PHLPP2: variants seen among roughly 807,000 people sequenced by gnomAD.
PHLPP2 encodes the protein PH domain leucine-rich repeat-containing protein phosphatase 2.
Under a neutral mutation model 124.9 loss-of-function variants are expected in PHLPP2, and 66 were observed. The ratio of observed to expected loss-of-function variants is 0.53; its 90% CI spans 0.43 to 0.65. The LOEUF (loss-of-function observed/expected upper bound fraction) is 0.65. PHLPP2 is among the 30% of genes least tolerant of loss of function. PHLPP2 has a pLI of 0.00. For missense variants in PHLPP2, 1,685 were observed against 1,600.4 expected (o/e 1.05, Z -0.90); for synonymous variants, 681 against 624.7 (o/e 1.09, Z -1.34).
intron 1 of PHLPP2, among the ~76,000 whole-genome samples, chr16:71,716,845 G>T (rs888155912): frequency 1.3e-5 from 2 of 152,266 alleles, no homozygotes; most frequent in Middle Eastern, 3.4e-3. Context: ...ATTTTTACTA[G>T]ACAGAATTAA....
chr16:71,720,756 C>A (rs894568393), intron 1 of PHLPP2, among the ~76,000 whole-genome samples: 3 of 151,274 alleles, frequency 2.0e-5, no homozygotes, highest in Non-Finnish European at 4.4e-5. Flanking sequence ...CCCAGCTACA[C>A]GAGAGGCTGA....
intron 16 of PHLPP2, among the ~76,000 whole-genome samples, chr16:71,655,849 G>A (rs763636826): frequency 2.6e-5 from 4 of 152,140 alleles, no homozygotes; most frequent in Non-Finnish European, 5.9e-5. Flanking sequence ...CTAGCAAATC[G>A]TAATCTACAC....
chr16:71,668,277 G>A (rs1016497056), intron 11 of PHLPP2, among the ~76,000 whole-genome samples: 5 of 151,804 alleles, frequency 3.3e-5, no homozygotes, highest in Non-Finnish European at 4.4e-5. Flanking sequence ...TTAGCCGGGC[G>A]TGGCAGCATG....
Position 71,663,948 on chromosome 16 carries a change from G to A in PHLPP2, c.1936C>T (p.Leu646=), listed in dbSNP as rs1224883369. ...TTGTTTGCAAGGTGCAAGATTCGCA[G>A]GTGCAGGTGCCCTACCAGGACAGGT... ...CIPVLVGHLH[L]RILHLANNQL... Residue 646 remains leucine, a synonymous_variant, in exon 13 of 19, where the codon CTG becomes TTG. Coordinates refer to ENST00000568954, the MANE Select transcript of PHLPP2 (RefSeq NM_015020.3). 2 of 1,614,030 alleles carry A rather than the reference G, an allele frequency of 1.2e-6. No homozygotes were observed. The highest frequency in any genetic ancestry group is 1.7e-6 in the Non-Finnish European group (2 of 1,179,982).
At chr16:71,663,508 G>C (rs1004872052) in intron 13 of PHLPP2, among the ~76,000 whole-genome samples, 1 of 152,160 alleles carries the variant, frequency 6.6e-6, no homozygotes, top group African/African-American at 2.4e-5. Context: ...GACTGTAACT[G>C]TTCACAATAC....
At chr16:71,676,145 T>C (rs1055086134) in intron 9 of PHLPP2, among the ~76,000 whole-genome samples, 1 of 152,152 alleles carries the variant, frequency 6.6e-6, no homozygotes, top group Non-Finnish European at 1.5e-5. Flanking sequence ...TTTGCCAACC[T>C]GTTTTAGACT....
chr16:71,658,411 G>A, intron 14 of PHLPP2, 48 bp from the exon 15 acceptor site: 2 of 1,547,588 alleles, frequency 1.3e-6, no homozygotes, highest in Non-Finnish European at 1.8e-6. Context: ...CAGAGACTTA[G>A]TTCTTTACTC....
chr16:71,698,822 C>A, intron 3 of PHLPP2: 1 of 229,074 alleles, frequency 4.4e-6, no homozygotes, highest in Non-Finnish European at 8.8e-6. Flanking sequence ...CCATTCCACT[C>A]ACTTTTCCCC....
At chr16:71,711,797 G>C (rs1158894084) in intron 2 of PHLPP2, among the ~76,000 whole-genome samples, 1 of 152,138 alleles carries the variant, frequency 6.6e-6, no homozygotes, top group Non-Finnish European at 1.5e-5. Flanking sequence ...TCTGACAAAG[G>C]GCTTTTACGC....
At chr16:71,664,140 T>C (rs375905232) in intron 12 of PHLPP2, 41 bp from the exon 13 acceptor site, 2 of 1,341,220 alleles carry the variant, frequency 1.5e-6, no homozygotes, top group African/African-American at 2.9e-5. Context: ...TTTAAGTTTA[T>C]TTGCTGCCTT....
intron 3 of PHLPP2, among the ~76,000 whole-genome samples, chr16:71,701,292 CTATCT>C: frequency 1.1e-5 from 1 of 91,650 alleles, no homozygotes; most frequent in Non-Finnish European, 2.1e-5. Context: ...ATCTATCTAT[CTATCT>C]ATCTATCTAT....
At position 71,678,959 on chromosome 16, in the gene PHLPP2, T is replaced by C. The variant is rs1567619280; in HGVS notation, c.1064A>G (p.Asn355Ser). 6.2e-7 allele frequency: 1 copy of C among 1,610,290 alleles called. No individual in the cohort carries two copies. The highest frequency in any genetic ancestry group is 2.2e-5 in the East Asian group (1 of 44,858). The change falls in exon 8 of 19, where the codon AAC becomes AGC. Residue 355 changes from asparagine (N) to serine (S), a missense_variant. Physicochemically the swap from Asn to Ser is conservative, Grantham distance 46 (BLOSUM62 1). Transcript: ENST00000568954. ...LNLQTLCLDG[N>S]FLTTLPEELG... ...TTCTTCAGGTAAAGTAGTCAGAAAG[T>C]TGCCATCAAGACAGAGGGTTTGAAG...
chr16:71,654,777 G>A (rs1011965795), intron 17 of PHLPP2, among the ~76,000 whole-genome samples: 2 of 152,194 alleles, frequency 1.3e-5, no homozygotes, highest in Non-Finnish European at 1.5e-5. Context: ...AGGAGCATCT[G>A]TATATGGTTT....
At chr16:71,704,713 T>C (rs963966601) in intron 2 of PHLPP2, among the ~76,000 whole-genome samples, 2 of 152,202 alleles carry the variant, frequency 1.3e-5, no homozygotes, top group African/African-American at 4.8e-5. Context: ...TTTCAGATTA[T>C]GTAGACATCA....
chr16:71,672,212 TA>T (rs1273385330), intron 10 of PHLPP2, 49 bp downstream of exon 10: 1 of 1,361,270 alleles, frequency 7.3e-7, no homozygotes, highest in Non-Finnish European at 1.0e-6. Context: ...AATCCACATG[TA>T]TCTCTTAAAT....
Position 71,664,098 on chromosome 16 carries a change from G to A in PHLPP2, c.1786C>T (p.Leu596Phe). The A allele has an allele frequency of 7.5e-6, 12 of 1,604,224 alleles. No homozygotes were observed. The highest frequency in any genetic ancestry group is 9.4e-6 in the Non-Finnish European group (11 of 1,171,000). The change falls in exon 13 of 19, where the codon CTC (leucine) becomes TTC (phenylalanine). Residue 596 changes from leucine (L) to phenylalanine (F), a missense_variant and splice_region_variant. Coordinates refer to ENST00000568954, the MANE Select transcript of PHLPP2 (RefSeq NM_015020.3). Reference protein sequence around the residue: ...PDTLFSKALNLRYLNASANSL... With the variant: ...PDTLFSKALNFRYLNASANSL... ...TTTGCAGATGCATTCAAGTATCTGA[G>A]ACTGACAGAACACACACAGATCATC...
At chr16:71,698,591 C>A in intron 3 of PHLPP2, 2 of 621,794 alleles carry the variant, frequency 3.2e-6, no homozygotes, top group East Asian at 3.4e-5. Context: ...TCCCTTAGAG[C>A]AACCCATACA....
At chr16:71,680,743 G>A (rs1000651894) in intron 6 of PHLPP2, among the ~76,000 whole-genome samples, 1 of 152,072 alleles carries the variant, frequency 6.6e-6, no homozygotes, top group Admixed American at 6.5e-5. Flanking sequence ...TCTGATTTCC[G>A]GATGACCTAA....
intron 4 of PHLPP2, among the ~76,000 whole-genome samples, chr16:71,687,726 CATTT>C (rs1195810365): frequency 2.0e-5 from 3 of 152,156 alleles, no homozygotes; most frequent in African/African-American, 7.2e-5. Context: ...GAGTGTATCA[CATTT>C]TACTTAATAA....
Sources: gnomAD v4.1 joint callset for allele counts (sites outside exome capture counted in the v4.1 genomes callset) on GRCh38, gnomAD v4.1.1 for gene constraint, MANE v1.5 for transcripts, NCBI Gene and HGNC (gene_info 2026-07-23, HGNC 2026-07-21) for gene names.